Variants in LDLRAD3 observed in about 807,000 individuals in gnomAD.
The protein encoded by LDLRAD3 is low-density lipoprotein receptor class A domain-containing protein 3.
LDLRAD3 carries 20 observed loss-of-function variants against 29.4 expected under a neutral mutation model. The ratio of observed to expected loss-of-function variants is 0.68; its 90% CI spans 0.48 to 0.99. The LOEUF (loss-of-function observed/expected upper bound fraction) is 0.99. Among genes scored for constraint, LDLRAD3 ranks in the 50% least tolerant of loss-of-function variants. LDLRAD3 has a pLI of 0.00. For synonymous variants in LDLRAD3, 157 were observed against 192.7 expected (o/e 0.81, Z 1.53); for missense variants, 420 against 454.3 (o/e 0.92, Z 0.69).
chr11:36,117,931 G>A (rs920099497), intron 4 of LDLRAD3, among the ~76,000 whole-genome samples: 38 of 152,222 alleles, frequency 2.5e-4, no homozygotes, highest in Non-Finnish European at 5.9e-5. Context: ...AAGGCACCAA[G>A]GCCAGCATCA....
intron 4 of LDLRAD3, among the ~76,000 whole-genome samples, chr11:36,111,975 CTTGAGA>C (rs1853612557): frequency 6.6e-6 from 1 of 152,216 alleles, no homozygotes; most frequent in Non-Finnish European, 1.5e-5. Flanking sequence ...GGTTCTCTTC[CTTGAGA>C]TTTTGTGCCC....
At chr11:35,986,422 T>A (rs1851615569) in intron 1 of LDLRAD3, among the ~76,000 whole-genome samples, 1 of 152,224 alleles carries the variant, frequency 6.6e-6, no homozygotes, top group African/African-American at 2.4e-5. Flanking sequence ...ATCTTGGAAT[T>A]TAACCTGTTA....
chr11:35,998,050 G>C (rs1234053483), intron 1 of LDLRAD3, among the ~76,000 whole-genome samples: 1 of 152,190 alleles, frequency 6.6e-6, no homozygotes. Flanking sequence ...ACAGGGTCAG[G>C]GCGTTCACTG....
intron 1 of LDLRAD3, among the ~76,000 whole-genome samples, chr11:36,029,983 G>A (rs952044097): frequency 2.6e-5 from 4 of 152,166 alleles, no homozygotes; most frequent in African/African-American, 2.4e-5. Context: ...GATATCAATA[G>A]CCAATGGTCC....
At chr11:35,957,903 A>C (rs1364498526) in intron 1 of LDLRAD3, among the ~76,000 whole-genome samples, 4 of 152,184 alleles carry the variant, frequency 2.6e-5, no homozygotes, top group African/African-American at 7.2e-5. Context: ...CTAAAAACAG[A>C]AATTACCCGT....
chr11:35,997,464 C>A, intron 1 of LDLRAD3: 2 of 391,470 alleles, frequency 5.1e-6, no homozygotes, highest in South Asian at 2.2e-5. Context: ...CAGATGGTAC[C>A]ACCTCACTCT....
At chr11:36,085,936 ACTC>A (rs1390038896) in intron 3 of LDLRAD3, among the ~76,000 whole-genome samples, 1 of 151,228 alleles carries the variant, frequency 6.6e-6, no homozygotes, top group Admixed American at 6.6e-5. Flanking sequence ...ATTTTTAATC[ACTC>A]CTTTTTCTTT....
At chr11:36,090,752 G>A (rs1853268264) in intron 3 of LDLRAD3, among the ~76,000 whole-genome samples, 1 of 152,190 alleles carries the variant, frequency 6.6e-6, no homozygotes, top group Admixed American at 6.5e-5. Flanking sequence ...CTTGCCCAGA[G>A]TGGCGGCCCT....
At chr11:36,210,272 C>T (rs557468856) in intron 4 of LDLRAD3, among the ~76,000 whole-genome samples, 5 of 152,270 alleles carry the variant, frequency 3.3e-5, no homozygotes, top group Admixed American at 2.0e-4. Flanking sequence ...TCACATCAGA[C>T]GGTGTAGGTC....
At chr11:36,199,039 T>C (rs892109428) in intron 4 of LDLRAD3, among the ~76,000 whole-genome samples, 2 of 152,196 alleles carry the variant, frequency 1.3e-5, no homozygotes, top group African/African-American at 4.8e-5. Flanking sequence ...TAGCTGGGAC[T>C]ACAGGCGCCT....
At chr11:35,963,557 G>A (rs533857961) in intron 1 of LDLRAD3, among the ~76,000 whole-genome samples, 1 of 152,078 alleles carries the variant, frequency 6.6e-6, no homozygotes, top group African/African-American at 2.4e-5. Context: ...TTCTTCCTTG[G>A]CAATAATCAT....
At chr11:36,117,210 A>G (rs10768180) in intron 4 of LDLRAD3, among the ~76,000 whole-genome samples, 144,660 of 152,194 alleles carry the variant, frequency 0.95, 69,171 homozygotes, top group East Asian at 1. Flanking sequence ...TGGAAGGAAA[A>G]GGAGGAAGGA....
intron 4 of LDLRAD3, among the ~76,000 whole-genome samples, chr11:36,194,510 T>C (rs1393623180): frequency 6.6e-6 from 1 of 152,158 alleles, no homozygotes; most frequent in South Asian, 2.1e-4. Flanking sequence ...TGGAGATGTC[T>C]GTTGGCAAGC....
chr11:35,976,778 T>C (rs1387371754), intron 1 of LDLRAD3, among the ~76,000 whole-genome samples: 1 of 152,214 alleles, frequency 6.6e-6, no homozygotes, highest in Non-Finnish European at 1.5e-5. Flanking sequence ...AGTCTTCCAT[T>C]TTCAAAAGAG....
At chr11:36,083,718 T>C (rs533819638) in intron 3 of LDLRAD3, among the ~76,000 whole-genome samples, 1 of 148,196 alleles carries the variant, frequency 6.7e-6, no homozygotes, top group South Asian at 2.2e-4. Context: ...GGGGATCTTA[T>C]AATCTAAGGG....
At chr11:36,091,344 G>C (rs1264596180) in intron 3 of LDLRAD3, among the ~76,000 whole-genome samples, 1 of 152,174 alleles carries the variant, frequency 6.6e-6, no homozygotes, top group Non-Finnish European at 1.5e-5. Flanking sequence ...TACTGTAGAC[G>C]GATTGCTTCA....
intron 1 of LDLRAD3, among the ~76,000 whole-genome samples, chr11:35,982,848 CTTTTTTTTTTT>C (rs61605411): frequency 1.1e-3 from 97 of 88,756 alleles, no homozygotes; most frequent in Middle Eastern, 0.016. Context: ...CTGTTTGCTG[CTTTTTTTTTTT>C]TTTTTTTTTT....
intron 1 of LDLRAD3, among the ~76,000 whole-genome samples, chr11:36,007,708 G>A (rs546865564): frequency 3.3e-4 from 51 of 152,278 alleles, no homozygotes; most frequent in African/African-American, 1.2e-3. Flanking sequence ...TCAGCTCTGG[G>A]GGAGACTCGT....
At chr11:36,035,272 C>A (rs1163883223) in intron 1 of LDLRAD3, among the ~76,000 whole-genome samples, 1 of 151,486 alleles carries the variant, frequency 6.6e-6, no homozygotes, top group African/African-American at 2.4e-5. Flanking sequence ...CTGGTCAGAT[C>A]GATCAGATCC....
Sources: allele counts gnomAD v4.1 joint callset (sites outside exome capture counted in the v4.1 genomes callset), GRCh38; gene constraint gnomAD v4.1.1; transcripts MANE v1.5; gene names NCBI Gene and HGNC (gene_info 2026-07-23, HGNC 2026-07-21).